Variants in RAB23 observed in about 807,000 individuals in gnomAD.
RAB23 encodes the protein RAB23, member RAS oncogene family, also known as ras-related protein Rab-23.
Under a neutral mutation model 30.0 loss-of-function variants are expected in RAB23, and 15 were observed. The ratio of observed to expected loss-of-function variants is 0.50; its 90% CI spans 0.33 to 0.77. The LOEUF (loss-of-function observed/expected upper bound fraction) is 0.77, where lower values mean the gene tolerates loss of function less well. Ranked by LOEUF, RAB23 falls within the 30% of genes least tolerant of loss-of-function variation. The probability of loss-of-function intolerance (pLI) is 0.02; values close to 1 mark genes in which losing one functional copy is unlikely to be tolerated. For missense variants in RAB23, 243 were observed against 275.4 expected (o/e 0.88, Z 0.83); for synonymous variants, 93 against 94.0 (o/e 0.99, Z 0.06).
intron 1 of RAB23, among the ~76,000 whole-genome samples, chr6:57,215,303 A>G (rs1325857100): frequency 3.3e-5 from 5 of 152,266 alleles, no homozygotes; most frequent in Non-Finnish European, 1.5e-5. Flanking sequence ...CTACAGATTC[A>G]AGAAGCTGAG....
At chr6:57,192,176 T>C (rs188297685) in intron 6 of RAB23, among the ~76,000 whole-genome samples, 1 of 152,330 alleles carries the variant, frequency 6.6e-6, no homozygotes, top group Admixed American at 6.5e-5. Context: ...ACTAGTAAGA[T>C]ACGTTTTTCC....
chr6:57,198,462 C>A (rs775175491), intron 3 of RAB23, among the ~76,000 whole-genome samples: 63 of 151,946 alleles, frequency 4.1e-4, no homozygotes, highest in African/African-American at 1.5e-3. Flanking sequence ...TGCAGTGAGC[C>A]GAGATCGCGC....
rs763294746 is a variant in RAB23 at position 57,222,245 on chromosome 6, G to C, written c.-585C>G. The C allele has an allele frequency of 6.6e-6, 1 of 152,632 alleles. No homozygotes were observed. The highest frequency in any genetic ancestry group is 1.5e-5 in the Non-Finnish European group (1 of 68,370). The allele number at this position is 152,632 out of a possible 1,614,324, so 9.5% of individuals were successfully genotyped here. A position where few individuals can be genotyped will look rare whatever the true frequency, so the allele number is the denominator to read the frequency against. On this transcript the variant is annotated 5_prime_UTR_variant, in exon 1 of 7. Coordinates refer to ENST00000468148, the MANE Select transcript of RAB23 (RefSeq NM_016277.5). ...GAGTGGCTCAGCAGCAGCTCCGCCG[G>C]GGGTGGTGGGGCGCGGGAGTCTCGA...
At chr6:57,198,219 T>C (rs1196767051) in intron 3 of RAB23, among the ~76,000 whole-genome samples, 4 of 152,194 alleles carry the variant, frequency 2.6e-5, no homozygotes, top group Non-Finnish European at 5.9e-5. Flanking sequence ...TAAACTTATA[T>C]TTACTTGAGC....
intron 3 of RAB23, among the ~76,000 whole-genome samples, chr6:57,205,817 T>A (rs1436715342): frequency 3.3e-5 from 5 of 152,226 alleles, no homozygotes; most frequent in African/African-American, 4.8e-5. Flanking sequence ...CTGAAGAGTT[T>A]TAACCACGAA....
intron 3 of RAB23, among the ~76,000 whole-genome samples, chr6:57,204,562 T>C (rs1186160919): frequency 1.3e-5 from 2 of 152,186 alleles, no homozygotes; most frequent in East Asian, 3.8e-4. Flanking sequence ...TTGGGACTGT[T>C]TAGTATTCAA....
intron 2 of RAB23, 109 bp downstream of exon 2, chr6:57,210,117 C>T: frequency 8.4e-7 from 1 of 1,186,716 alleles, no homozygotes; most frequent in Non-Finnish European, 1.2e-6. Context: ...AGCATTGCCA[C>T]TAGTTGCCAC....
At chr6:57,208,375 G>A (rs373983081) in intron 2 of RAB23, among the ~76,000 whole-genome samples, 189 of 152,178 alleles carry the variant, frequency 1.2e-3, no homozygotes, top group African/African-American at 4.3e-3. Context: ...CGCCAGTCAC[G>A]GTGGCTCACG....
chr6:57,217,228 A>AAC (rs1554313175), intron 1 of RAB23, among the ~76,000 whole-genome samples: 36 of 151,812 alleles, frequency 2.4e-4, no homozygotes, highest in African/African-American at 8.0e-4. Context: ...AAAAAAAAAA[A>AAC]CAAAATTAAC....
intron 3 of RAB23, among the ~76,000 whole-genome samples, chr6:57,199,321 CA>C (rs1562652970): frequency 3.9e-5 from 6 of 152,230 alleles, no homozygotes; most frequent in Non-Finnish European, 5.9e-5. Flanking sequence ...CATGGTTCCT[CA>C]GGGAGACTGA....
chr6:57,191,831 A>G (rs1055530139), intron 6 of RAB23, among the ~76,000 whole-genome samples: 1 of 151,766 alleles, frequency 6.6e-6, no homozygotes, highest in Non-Finnish European at 1.5e-5. Context: ...CAGTAACAAC[A>G]GTATTTCTGA....
intron 3 of RAB23, among the ~76,000 whole-genome samples, chr6:57,203,988 C>T (rs1417909159): frequency 3.3e-5 from 5 of 152,110 alleles, no homozygotes; most frequent in African/African-American, 1.2e-4. Flanking sequence ...AAGGCAACTT[C>T]TTTGGTCATT....
rs1369986399 is a variant in RAB23 at position 57,188,402 on chromosome 6, G to A, written c.*2059C>T. The A allele has an allele frequency of 1.3e-5, 2 of 152,044 alleles. No homozygotes were observed. The highest frequency in any genetic ancestry group is 4.8e-5 in the African/African-American group (2 of 41,410). 9.4% of individuals were successfully genotyped at this position (152,044 alleles called of 1,614,324 possible). A position where few individuals can be genotyped will look rare whatever the true frequency, so the allele number is the denominator to read the frequency against. ...CTAGGTACATAAAATTATATTACAG[G>A]AACTGTAACTATCCTCAGAGATTAC... On this transcript the variant is annotated 3_prime_UTR_variant, in exon 7 of 7. Coordinates refer to ENST00000468148, the MANE Select transcript of RAB23 (RefSeq NM_016277.5).
chr6:57,211,324 G>A (rs1311820036), intron 1 of RAB23, among the ~76,000 whole-genome samples: 1 of 152,152 alleles, frequency 6.6e-6, no homozygotes, highest in Non-Finnish European at 1.5e-5. Context: ...GCCGAGTGTA[G>A]TGGTGCATGC....
chr6:57,191,574 C>T (rs1221393661), intron 6 of RAB23, among the ~76,000 whole-genome samples: 10 of 151,446 alleles, frequency 6.6e-5, no homozygotes, highest in South Asian at 2.1e-4. Context: ...CTCAGCCTCC[C>T]GAGTAGCTGG....
At chr6:57,209,713 A>C (rs1765577411) in intron 2 of RAB23, among the ~76,000 whole-genome samples, 1 of 152,206 alleles carries the variant, frequency 6.6e-6, no homozygotes, top group South Asian at 2.1e-4. Context: ...TAGAATCCAA[A>C]TGAATTTCCT....
chr6:57,207,937 T>G (rs955786463), intron 2 of RAB23, among the ~76,000 whole-genome samples: 1 of 152,168 alleles, frequency 6.6e-6, no homozygotes, highest in Non-Finnish European at 1.5e-5. Flanking sequence ...ATTAAACCAC[T>G]GTAAATTCAA....
intron 1 of RAB23, among the ~76,000 whole-genome samples, chr6:57,221,143 TC>T (rs1766043086): frequency 6.6e-6 from 1 of 152,220 alleles, no homozygotes; most frequent in Non-Finnish European, 1.5e-5. Context: ...GGTTGTTTTC[TC>T]ATAACAGCCT....
At chr6:57,209,653 A>C (rs188596537) in intron 2 of RAB23, among the ~76,000 whole-genome samples, 82 of 152,342 alleles carry the variant, frequency 5.4e-4, no homozygotes, top group African/African-American at 1.9e-3. Flanking sequence ...TTTAAAATAT[A>C]CTTAGAAGTT....
Sources: gnomAD v4.1 joint callset for allele counts (sites outside exome capture counted in the v4.1 genomes callset) on GRCh38, gnomAD v4.1.1 for gene constraint, MANE v1.5 for transcripts, NCBI Gene and HGNC (gene_info 2026-07-23, HGNC 2026-07-21) for gene names.